Variants in XRCC6 observed in about 807,000 individuals in gnomAD.
XRCC6 encodes DNA repair protein Ku70.
XRCC6 carries 5 observed loss-of-function variants against 65.7 expected under a neutral mutation model. The observed-to-expected ratio is 0.08, with a 90% CI of 0.04 to 0.16. The LOEUF (loss-of-function observed/expected upper bound fraction) is 0.16. XRCC6 is among the 10% of genes least tolerant of loss of function. XRCC6 has a pLI of 1.00. For missense variants in XRCC6, 447 were observed against 738.1 expected (o/e 0.61, Z 4.57); for synonymous variants, 270 against 270.6 (o/e 1.00, Z 0.02).
At chr22:41,635,770 A>G (rs2067803075) in intron 3 of XRCC6, among the ~76,000 whole-genome samples, 1 of 151,686 alleles carries the variant, frequency 6.6e-6, no homozygotes, top group Non-Finnish European at 1.5e-5. Context: ...TCGATCTCCT[A>G]GGGTCAAGTG....
rs569715508 is a variant in XRCC6 at position 41,626,747 on chromosome 22, C to T, written c.83-1371C>T. ...CCCCCTCCCGGGTTCATGCCATTCCCCTGCCTCAGCCTCCCGAGTAGCTGG... is the reference window on the plus strand; with the variant it reads ...CCCCCTCCCGGGTTCATGCCATTCCTCTGCCTCAGCCTCCCGAGTAGCTGG... On this transcript the variant is annotated intron_variant, in intron 2 of 12. Coordinates refer to ENST00000360079, the MANE Select transcript of XRCC6 (RefSeq NM_001469.5). Among the ~76,000 whole-genome samples, 78 of 152,138 alleles carry T rather than the reference C, an allele frequency of 5.1e-4. 1 individual carries two copies. Among genetic ancestry groups the T allele is most frequent in the Middle Eastern group, 6.8e-3 (2 of 294 alleles).
chr22:41,631,734 G>A (rs1035096794), intron 3 of XRCC6, among the ~76,000 whole-genome samples: 8 of 152,020 alleles, frequency 5.3e-5, no homozygotes, highest in Non-Finnish European at 1.2e-4. Context: ...GTGGCGGCCG[G>A]GCAGAGGCTG....
At chr22:41,644,257 A>C (rs2067908412) in intron 6 of XRCC6, among the ~76,000 whole-genome samples, 1 of 152,082 alleles carries the variant, frequency 6.6e-6, no homozygotes, top group Non-Finnish European at 1.5e-5. Flanking sequence ...TCTGTTGTGG[A>C]CCTCTAACTT....
intron 2 of XRCC6, among the ~76,000 whole-genome samples, chr22:41,624,913 C>T (rs894159437): frequency 7.2e-5 from 11 of 151,746 alleles, no homozygotes; most frequent in African/African-American, 1.7e-4. Flanking sequence ...AGGAGAATGG[C>T]GTGAACCCGG....
intron 3 of XRCC6, among the ~76,000 whole-genome samples, chr22:41,631,361 A>G (rs1386777832): frequency 1.4e-5 from 2 of 146,244 alleles, no homozygotes; most frequent in African/African-American, 2.6e-5. Flanking sequence ...GGGGCTCCTC[A>G]CTTCTCAGAC....
chr22:41,658,427 G>C, intron 11 of XRCC6, 75 bp downstream of exon 11: 1 of 1,412,824 alleles, frequency 7.1e-7, no homozygotes, highest in Admixed American at 1.8e-5. Context: ...AGTAATTTGG[G>C]TGCATTTCCC....
chr22:41,649,139 A>AAAAAAAATATAT, intron 7 of XRCC6, among the ~76,000 whole-genome samples: 4 of 88,732 alleles, frequency 4.5e-5, no homozygotes, highest in Non-Finnish European at 6.2e-5. Flanking sequence ...AAAAAAAAAA[A>AAAAAAAATATAT]ATATATATAT....
chr22:41,651,212 C>A (rs564941461), intron 8 of XRCC6, among the ~76,000 whole-genome samples: 2 of 152,078 alleles, frequency 1.3e-5, no homozygotes, highest in African/African-American at 2.4e-5. Flanking sequence ...GCATGAAAAT[C>A]GCTTGAACCT....
chr22:41,658,451 C>T, intron 11 of XRCC6, 99 bp downstream of exon 11: 1 of 1,072,396 alleles, frequency 9.3e-7, no homozygotes, highest in Non-Finnish European at 1.4e-6. Flanking sequence ...CCTCTCTAAA[C>T]ACTTAACCTC....
At chr22:41,658,196 T>A in intron 10 of XRCC6, 56 bp from the exon 11 acceptor site, 1 of 1,585,504 alleles carries the variant, frequency 6.3e-7, no homozygotes, top group Non-Finnish European at 8.6e-7. Context: ...TTTATTCTAA[T>A]TTTTTCAATG....
chr22:41,663,512 G>A, intron 12 of XRCC6, 110 bp from the exon 13 acceptor site: 1 of 1,282,890 alleles, frequency 7.8e-7, no homozygotes, highest in East Asian at 2.3e-5. Context: ...TGGCATCACA[G>A]CTTTATGGTT....
intron 2 of XRCC6, 38 bp downstream of exon 2, chr22:41,622,124 G>A: frequency 6.2e-7 from 1 of 1,607,688 alleles, no homozygotes. Context: ...TCGGTGTGTG[G>A]AAGAAAGACC....
chr22:41,661,247 C>A, intron 11 of XRCC6, 84 bp from the exon 12 acceptor site: 1 of 1,192,618 alleles, frequency 8.4e-7, no homozygotes, highest in South Asian at 1.4e-5. Flanking sequence ...GCTCTCTCTT[C>A]TGGTTCTCAG....
Position 41,649,621 on chromosome 22 carries a change from G to T in XRCC6, c.961-1102G>T, listed in dbSNP as rs533426096. Reference sequence around the variant, plus strand: ...TGTAATCCCAGCACTTTGGGAGGCTGAGGCGGGCGGATCACGAGGTCAGGA... The same window carrying T: ...TGTAATCCCAGCACTTTGGGAGGCTTAGGCGGGCGGATCACGAGGTCAGGA... On this transcript the variant is annotated intron_variant, in intron 7 of 12. Transcript: ENST00000360079. Among the ~76,000 whole-genome samples the T allele has an allele frequency of 1.1e-4, 16 of 152,088 alleles. No homozygotes were observed. The East Asian group carries it at 3.1e-3, about 29-fold the overall frequency.
rs2067689113 is a variant in XRCC6 at position 41,627,337 on chromosome 22, G to A, written c.83-781G>A. ...CTCTTAGGCCAGGGCGGGGTGGGGT[G>A]CGGTGGCTCACGTCTATAATCCTAG... On this transcript the variant is annotated intron_variant, in intron 2 of 12. Coordinates refer to ENST00000360079, the MANE Select transcript of XRCC6 (RefSeq NM_001469.5). Among the ~76,000 whole-genome samples the A allele has an allele frequency of 5.3e-5, 8 of 152,146 alleles. No individual in the cohort carries two copies. The South Asian group carries it at 1.5e-3, about 28-fold the overall frequency.
At chr22:41,621,849 C>G in intron 1 of XRCC6, 141 bp from the exon 2 acceptor site, 2 of 731,028 alleles carry the variant, frequency 2.7e-6, no homozygotes, top group Non-Finnish European at 4.5e-6. Context: ...GTCCGACTGC[C>G]GAGCTTTCGA....
At chr22:41,634,638 G>C (rs918395601) in intron 3 of XRCC6, among the ~76,000 whole-genome samples, 1 of 151,420 alleles carries the variant, frequency 6.6e-6, no homozygotes, top group Non-Finnish European at 1.5e-5. Context: ...TCCACCTCTT[G>C]GGTTCAAGCG....
rs149724316 is a variant in XRCC6 at position 41,663,749 on chromosome 22, C to T, written c.1764C>T (p.Tyr588=). 2.3e-4 allele frequency: 366 copies of T among 1,613,932 alleles called. 1 individual carries two copies. Among genetic ancestry groups the T allele is most frequent in the Non-Finnish European group, 2.8e-4 (326 of 1,179,866 alleles). Residue 588 remains tyrosine (Y), a synonymous_variant, in exon 13 of 13, where the codon TAC becomes TAT. Coordinates refer to ENST00000360079, the MANE Select transcript of XRCC6 (RefSeq NM_001469.5). ...VPMLKEACRA[Y]GLKSGLKKQE... is the part of the protein sequence containing the mutation. ...TGCTGAAAGAGGCCTGCCGGGCTTA[C>T]GGGCTGAAGAGTGGGCTGAAGAAGC... is the stretch of plus-strand genomic sequence containing the variant.
chr22:41,653,515 T>C lies in XRCC6; in HGVS notation c.1130-14T>C. ...CTTTTTAGGAGGCTAGTCACTGGGC[T>C]TTTTGTTTTCTAGGGAGCTCAACCC... On this transcript the variant is annotated splice_polypyrimidine_tract_variant and intron_variant, in intron 8 of 12. Transcript: ENST00000360079. 6.4e-7 allele frequency: 1 copy of C among 1,559,742 alleles called. No homozygotes were observed. Among genetic ancestry groups the C allele is most frequent in the Non-Finnish European group, 8.7e-7 (1 of 1,145,764 alleles).
Sources: gnomAD v4.1 joint callset for allele counts (sites outside exome capture counted in the v4.1 genomes callset) on GRCh38, gnomAD v4.1.1 for gene constraint, MANE v1.5 for transcripts, NCBI Gene and HGNC (gene_info 2026-07-23, HGNC 2026-07-21) for gene names.